Variants in ZBTB20 observed in about 807,000 individuals in gnomAD.
The protein encoded by ZBTB20 is zinc finger and BTB domain-containing protein 20.
A neutral mutation model predicts 56.9 loss-of-function variants in ZBTB20; 9 were observed. The ratio of observed to expected loss-of-function variants is 0.16; its 90% confidence interval spans 0.10 to 0.28. The LOEUF is 0.28. Ranked by LOEUF, ZBTB20 falls within the 10% of genes least tolerant of loss-of-function variation. ZBTB20 has a pLI of 1.00. For synonymous variants in ZBTB20, 417 were observed against 420.7 expected, an observed-to-expected ratio of 0.99 and a Z score of 0.11; for missense variants, 655 against 1,003.0, an observed-to-expected ratio of 0.65 and a Z score of 4.69.
chr3:115,009,110 C>A (rs1456526476), intron 2 of ZBTB20, among the ~76,000 whole-genome samples: 1 of 151,668 alleles, frequency 6.6e-6, no homozygotes, highest in African/African-American at 2.4e-5. Flanking sequence ...ATTTCTTGTT[C>A]TTGAATTTTC....
chr3:115,034,551 T>A (rs544525107), intron 2 of ZBTB20, among the ~76,000 whole-genome samples: 92 of 151,918 alleles, frequency 6.1e-4, no homozygotes, highest in Non-Finnish European at 1.2e-3. Context: ...TTTTTACCAA[T>A]AAAATCTATA....
intron 6 of ZBTB20, among the ~76,000 whole-genome samples, chr3:114,607,020 C>T (rs1290422025): frequency 1.3e-5 from 2 of 151,872 alleles, no homozygotes; most frequent in African/African-American, 2.4e-5. Flanking sequence ...ATAGCTTGAA[C>T]CCAGGAGGCA....
At chr3:114,554,087 T>C (rs1197098817) in intron 6 of ZBTB20, among the ~76,000 whole-genome samples, 1 of 152,156 alleles carries the variant, frequency 6.6e-6, no homozygotes, top group Admixed American at 6.5e-5. Context: ...GCCTCACGTA[T>C]TCATGGATGG....
intron 1 of ZBTB20, among the ~76,000 whole-genome samples, chr3:115,146,549 G>A (rs1477276726): frequency 1.3e-5 from 2 of 152,064 alleles, no homozygotes; most frequent in African/African-American, 2.4e-5. Flanking sequence ...GAGAAAGAAG[G>A]AAAGGTGTGT....
intron 5 of ZBTB20, among the ~76,000 whole-genome samples, chr3:114,777,776 C>T (rs1234182374): frequency 2.0e-5 from 3 of 151,988 alleles, no homozygotes; most frequent in African/African-American, 7.2e-5. Context: ...AATCATGCTG[C>T]TATAAAGACA....
At chr3:115,053,899 T>C (rs1043444141) in intron 2 of ZBTB20, among the ~76,000 whole-genome samples, 7 of 152,138 alleles carry the variant, frequency 4.6e-5, no homozygotes, top group African/African-American at 1.4e-4. Flanking sequence ...CTGGGTTTAG[T>C]CTGTGGTTGG....
At chr3:114,902,030 CT>C (rs1214204778) in intron 3 of ZBTB20, among the ~76,000 whole-genome samples, 1 of 152,034 alleles carries the variant, frequency 6.6e-6, no homozygotes, top group African/African-American at 2.4e-5. Flanking sequence ...TAAATGTAAC[CT>C]TCCTAAGAGA....
chr3:114,856,267 T>A (rs545559931), intron 4 of ZBTB20, among the ~76,000 whole-genome samples: 4 of 152,352 alleles, frequency 2.6e-5, no homozygotes, highest in South Asian at 2.1e-4. Context: ...TTGATCTTCA[T>A]GCCAGTTCTG....
chr3:114,908,408 T>C (rs535580827), intron 3 of ZBTB20, among the ~76,000 whole-genome samples: 37 of 152,032 alleles, frequency 2.4e-4, no homozygotes, highest in African/African-American at 4.8e-4. Context: ...TCCAGCTCAG[T>C]AATAACCTGA....
chr3:114,551,473 G>A (rs1350734195), intron 6 of ZBTB20, among the ~76,000 whole-genome samples: 1 of 152,162 alleles, frequency 6.6e-6, no homozygotes, highest in Non-Finnish European at 1.5e-5. Flanking sequence ...AATGACTTTC[G>A]TTGCATGGGA....
chr3:114,844,842 T>C (rs1473852915), intron 4 of ZBTB20, among the ~76,000 whole-genome samples: 2 of 140,162 alleles, frequency 1.4e-5, no homozygotes, highest in Non-Finnish European at 3.0e-5. Flanking sequence ...GCTCATCATA[T>C]ACCATCTTTT....
rs1375835042 is a variant in ZBTB20, at chr3:114,326,560, T to A, written c.*12445A>T. The A allele has an allele frequency of 2.6e-5, 4 of 152,178 alleles. No individual in the cohort carries two copies. Among genetic ancestry groups the A allele is most frequent in the African/African-American group, 9.6e-5 (4 of 41,454 alleles). The allele number at this position is 152,178 out of a possible 1,614,324, so 9.4% of individuals were successfully genotyped here. A position where few individuals can be genotyped will look rare whatever the true frequency, so the allele number is the denominator to read the frequency against. On this transcript the variant is annotated 3_prime_UTR_variant, in exon 12 of 12. Transcript: ENST00000675478. Reference sequence around the variant, plus strand: ...AATACAGTAAGGGTGAGCAGTTATTTGACTGTCCATGGACAGTAACAAATT... The same window carrying A: ...AATACAGTAAGGGTGAGCAGTTATTAGACTGTCCATGGACAGTAACAAATT...
At chr3:114,544,413 CTTTCTTTCTTTCTTTCTTTCTTTCTTTCT>C (rs1559937589) in intron 6 of ZBTB20, among the ~76,000 whole-genome samples, 1 of 8,918 alleles carries the variant, frequency 1.1e-4, no homozygotes, top group African/African-American at 5.4e-4. Context: ...TTTCTTCTTT[CTTTCTTTCTTTCTTTCTTTCTTTCTTTCT>C]TTCTTTCTTT....
chr3:114,385,644 G>A (rs1333224545), intron 8 of ZBTB20, among the ~76,000 whole-genome samples: 1 of 152,046 alleles, frequency 6.6e-6, no homozygotes, highest in African/African-American at 2.4e-5. Flanking sequence ...CGAGGCGGGC[G>A]GATCACGAGG....
chr3:114,792,780 G>A (rs2108812385), intron 5 of ZBTB20, among the ~76,000 whole-genome samples: 1 of 152,140 alleles, frequency 6.6e-6, no homozygotes, highest in African/African-American at 2.4e-5. Flanking sequence ...TTTTACCAAG[G>A]GATTCACTTC....
chr3:114,694,147 A>C (rs188719796), intron 5 of ZBTB20, among the ~76,000 whole-genome samples: 2 of 152,174 alleles, frequency 1.3e-5, no homozygotes, highest in East Asian at 3.9e-4. Flanking sequence ...TAAATGTATA[A>C]TATTATATTC....
In ZBTB20 at chr3:114,755,583, T is replaced by A. The variant is rs563866487; in HGVS notation, c.-343+45518A>T. On this transcript the variant is annotated intron_variant, in intron 5 of 11. Transcript: ENST00000675478. ...TATATATGTATTTATTTACATGAAA[T>A]TTTTTTTTTAAATTCCCCCCTTAAC... 1.5e-4 allele frequency among the ~76,000 whole-genome samples: 23 copies of A among 151,004 alleles called. 1 individual carries two copies. Among genetic ancestry groups the A allele is most frequent in the East Asian group, 5.8e-4 (3 of 5,150 alleles).
intron 5 of ZBTB20, among the ~76,000 whole-genome samples, chr3:114,727,002 A>G (rs55839748): frequency 0.017 from 2,580 of 151,248 alleles, 83 homozygotes; most frequent in African/African-American, 0.059. Context: ...TTGGACGACT[A>G]TTTCCTAAAG....
intron 2 of ZBTB20, among the ~76,000 whole-genome samples, chr3:115,004,119 C>T (rs1005017707): frequency 1.3e-4 from 20 of 151,622 alleles, no homozygotes; most frequent in Non-Finnish European, 2.8e-4. Flanking sequence ...TGGGCCTATA[C>T]TGTCATGAGA....
Sources: gnomAD v4.1 joint callset for allele counts (sites outside exome capture counted in the v4.1 genomes callset) on GRCh38, gnomAD v4.1.1 for gene constraint, MANE v1.5 for transcripts, NCBI Gene and HGNC (gene_info 2026-07-23, HGNC 2026-07-21) for gene names.